MALRD1: variants seen among roughly 807,000 people sequenced by gnomAD.
The protein encoded by MALRD1 is MAM and LDL receptor class A domain containing 1.
A neutral mutation model predicts 242.1 loss-of-function variants in MALRD1; 247 were observed. The observed-to-expected ratio is 1.02, with a 90% CI of 0.92 to 1.13. The LOEUF is 1.13. Among genes scored for constraint, MALRD1 ranks in the 50% most tolerant of loss-of-function variants. The probability of loss-of-function intolerance (pLI) is 0.00; values close to 1 mark genes in which losing one functional copy is unlikely to be tolerated. For missense variants in MALRD1, 2,989 were observed against 2,533.1 expected (o/e 1.18, Z -3.86); for synonymous variants, 995 against 866.6 (o/e 1.15, Z -2.60).
At chr10:19,554,331 G>C (rs1835619058) in intron 32 of MALRD1, among the ~76,000 whole-genome samples, 1 of 152,118 alleles carries the variant, frequency 6.6e-6, no homozygotes, top group Non-Finnish European at 1.5e-5. Context: ...CTGAGAGCAG[G>C]AGCAAGAGGT....
intron 36 of MALRD1, among the ~76,000 whole-genome samples, chr10:19,662,318 T>C (rs1271113203): frequency 2.0e-5 from 3 of 152,246 alleles, no homozygotes. Context: ...GATGAAAGTC[T>C]CCACTGAGGC....
chr10:19,211,452 G>A (rs1261348325), intron 18 of MALRD1, among the ~76,000 whole-genome samples: 1 of 151,890 alleles, frequency 6.6e-6, no homozygotes, highest in Non-Finnish European at 1.5e-5. Flanking sequence ...CCCAAGACTG[G>A]GAGGCCGAGG....
At chr10:19,649,285 T>C (rs1410565878) in intron 36 of MALRD1, among the ~76,000 whole-genome samples, 1 of 152,240 alleles carries the variant, frequency 6.6e-6, no homozygotes, top group Admixed American at 6.5e-5. Context: ...ATGGTAGTTC[T>C]GCTTTTAGCT....
intron 31 of MALRD1, among the ~76,000 whole-genome samples, chr10:19,524,075 G>T (rs2131325324): frequency 6.6e-6 from 1 of 152,234 alleles, no homozygotes; most frequent in Admixed American, 6.5e-5. Context: ...AATGCTATGA[G>T]AAAAATTCAT....
chr10:19,446,246 A>T (rs755516379), intron 28 of MALRD1, among the ~76,000 whole-genome samples: 6 of 152,038 alleles, frequency 3.9e-5, no homozygotes, highest in Non-Finnish European at 8.8e-5. Context: ...GTGTGAGGTG[A>T]TGCCCCACCC....
chr10:19,714,833 A>C (rs1001660147), intron 38 of MALRD1, among the ~76,000 whole-genome samples: 5 of 152,136 alleles, frequency 3.3e-5, no homozygotes, highest in Non-Finnish European at 5.9e-5. Context: ...GGGGAGCTCA[A>C]GGTGGGGACA....
At chr10:19,145,357 G>A (rs1392875117) in intron 10 of MALRD1, among the ~76,000 whole-genome samples, 1 of 152,068 alleles carries the variant, frequency 6.6e-6, no homozygotes, top group Non-Finnish European at 1.5e-5. Context: ...GAGAAGACAG[G>A]CTCAGGCTGG....
chr10:19,725,610 A>C (rs1337243427), intron 38 of MALRD1, among the ~76,000 whole-genome samples: 1 of 152,220 alleles, frequency 6.6e-6, no homozygotes, highest in Non-Finnish European at 1.5e-5. Context: ...ACCTCTTCTC[A>C]AATTTATAAA....
At position 19,670,467 on chromosome 10, in the gene MALRD1, A is replaced by G. The variant is rs552838071; in HGVS notation, c.6138-21815A>G. On this transcript the variant is annotated intron_variant, in intron 36 of 39. Coordinates refer to ENST00000454679, the MANE Select transcript of MALRD1 (RefSeq NM_001142308.3). ...TTGCTCTCTTTTTCAGACACTAGTC[A>G]CTCTACTGAGTTGTCTGCTGAATTA... is the stretch of plus-strand genomic sequence containing the variant. 7.2e-5 allele frequency among the ~76,000 whole-genome samples: 11 copies of G among 152,200 alleles called. No homozygotes were observed. The South Asian group carries it at 2.3e-3, about 32-fold the overall frequency.
rs549990721 is a variant in MALRD1 at position 19,134,223 on chromosome 10, C to A, written c.1203+275C>A. 7.9e-5 allele frequency among the ~76,000 whole-genome samples: 12 copies of A among 152,246 alleles called. 1 individual carries two copies. The South Asian group carries it at 2.1e-3, about 26-fold the overall frequency. ...TCTTGCTCCCCAGCACCATGCTGTG[C>A]CCCAGGGAAACAAATTGCATTATGA... On this transcript the variant is annotated intron_variant, in intron 9 of 39. Transcript: ENST00000454679.
intron 26 of MALRD1, among the ~76,000 whole-genome samples, chr10:19,353,813 A>G (rs1844501872): frequency 6.6e-6 from 1 of 152,188 alleles, no homozygotes; most frequent in Non-Finnish European, 1.5e-5. Context: ...TTTGATCGTA[A>G]TAAAAAATAA....
At chr10:19,184,613 ATC>A (rs1248055018) in intron 14 of MALRD1, among the ~76,000 whole-genome samples, 1 of 152,064 alleles carries the variant, frequency 6.6e-6, no homozygotes, top group Non-Finnish European at 1.5e-5. Context: ...CAGTGGTGCG[ATC>A]TTGGCTCACT....
chr10:19,726,569 C>A (rs573129019), intron 38 of MALRD1, among the ~76,000 whole-genome samples: 2 of 152,056 alleles, frequency 1.3e-5, no homozygotes, highest in African/African-American at 2.4e-5. Context: ...AAAGAGTTAC[C>A]GTGTGTTCTA....
chr10:19,446,464 G>C (rs1408814165), intron 28 of MALRD1, among the ~76,000 whole-genome samples: 1 of 152,160 alleles, frequency 6.6e-6, no homozygotes, highest in Non-Finnish European at 1.5e-5. Context: ...CTAGTTATTT[G>C]GGAAAAAGTT....
At chr10:19,509,854 T>A (rs1347145372) in intron 31 of MALRD1, among the ~76,000 whole-genome samples, 3 of 151,964 alleles carry the variant, frequency 2.0e-5, no homozygotes, top group African/African-American at 7.3e-5. Context: ...TCTCGTCAGG[T>A]GGAAGGAGAC....
At chr10:19,540,646 C>CTA (rs1414566943) in intron 32 of MALRD1, among the ~76,000 whole-genome samples, 2 of 152,048 alleles carry the variant, frequency 1.3e-5, no homozygotes, top group Admixed American at 6.6e-5. Flanking sequence ...TGAGATGTTA[C>CTA]TATATAGACG....
intron 21 of MALRD1, among the ~76,000 whole-genome samples, chr10:19,319,372 TA>T (rs1414456102): frequency 1.3e-5 from 2 of 152,150 alleles, no homozygotes; most frequent in Middle Eastern, 3.2e-3. Context: ...AGTTCATTTA[TA>T]AAAAACGTTA....
chr10:19,366,890 T>C (rs1845133004), intron 26 of MALRD1, among the ~76,000 whole-genome samples: 2 of 152,154 alleles, frequency 1.3e-5, no homozygotes, highest in Admixed American at 1.3e-4. Context: ...TTGCCCCACA[T>C]CTTCACCAGT....
In MALRD1 at chr10:19,645,933, G is replaced by A. The variant is rs184534051; in HGVS notation, c.6137+30010G>A. On this transcript the variant is annotated intron_variant, in intron 36 of 39. Coordinates refer to ENST00000454679, the MANE Select transcript of MALRD1 (RefSeq NM_001142308.3). ...AATTATTTTTTTTTATTTTTAAATA[G>A]TAAATTAAACAACAACTTGTCTGTT... Among the ~76,000 whole-genome samples, 348 of 152,064 alleles carry A rather than the reference G, an allele frequency of 2.3e-3. 1 individual carries two copies. The highest frequency in any genetic ancestry group is 7.5e-3 in the African/African-American group (312 of 41,464).
Sources: allele counts gnomAD v4.1 joint callset (sites outside exome capture counted in the v4.1 genomes callset), GRCh38; gene constraint gnomAD v4.1.1; transcripts MANE v1.5; gene names NCBI Gene and HGNC (gene_info 2026-07-23, HGNC 2026-07-21).